The following DCC variants were observed in gnomAD, a reference collection of about 807,000 sequenced individuals.
DCC encodes netrin receptor DCC.
DCC carries 58 observed loss-of-function variants against 172.5 expected under a neutral mutation model. The observed-to-expected ratio is 0.34, with a 90% CI of 0.27 to 0.42. DCC has a LOEUF of 0.42. Ranked by LOEUF, DCC falls within the 10% of genes least tolerant of loss-of-function variation. The pLI is 1.00. For missense variants in DCC, 1,740 were observed against 1,791.0 expected, an observed-to-expected ratio of 0.97 and a Z score of 0.51; for synonymous variants, 709 against 644.5, an observed-to-expected ratio of 1.10 and a Z score of -1.52.
chr18:53,042,474 G>A (rs938856787), intron 5 of DCC, among the ~76,000 whole-genome samples: 17 of 151,944 alleles, frequency 1.1e-4, no homozygotes, highest in Admixed American at 1.1e-3. Context: ...TTCTCTTTTT[G>A]TTGTATCTCT....
At chr18:52,547,529 A>G (rs1459168336) in intron 1 of DCC, among the ~76,000 whole-genome samples, 2 of 152,150 alleles carry the variant, frequency 1.3e-5, no homozygotes, top group African/African-American at 4.8e-5. Flanking sequence ...GCATGTTCAT[A>G]GTTAATGTGA....
At chr18:53,481,059 C>G (rs951379520) in intron 25 of DCC, 3 of 152,200 alleles carry the variant, frequency 2.0e-5, no homozygotes, top group Admixed American at 1.3e-4. Flanking sequence ...CCTGGCTTTC[C>G]CCAGCATGAG....
intron 21 of DCC, among the ~76,000 whole-genome samples, chr18:53,419,290 CA>C (rs1243968604): frequency 6.6e-6 from 1 of 152,080 alleles, no homozygotes; most frequent in African/African-American, 2.4e-5. Context: ...TGTTGACTTA[CA>C]AACAATTCCA....
intron 20 of DCC, among the ~76,000 whole-genome samples, chr18:53,411,898 T>C (rs1046151741): frequency 2.6e-5 from 4 of 152,152 alleles, no homozygotes; most frequent in Non-Finnish European, 4.4e-5. Context: ...CAGCATGAAA[T>C]GTAACTAGAT....
intron 1 of DCC, among the ~76,000 whole-genome samples, chr18:52,593,022 A>G (rs949806465): frequency 2.6e-5 from 4 of 152,176 alleles, no homozygotes; most frequent in African/African-American, 9.6e-5. Flanking sequence ...TGTCATATCT[A>G]GGATTGGCCC....
chr18:52,452,769 T>C (rs930938862), intron 1 of DCC, among the ~76,000 whole-genome samples: 6 of 152,192 alleles, frequency 3.9e-5, no homozygotes, highest in Non-Finnish European at 8.8e-5. Flanking sequence ...ATTAAATAAA[T>C]GTAGGTCAGA....
At chr18:52,562,313 G>T (rs763488160) in intron 1 of DCC, among the ~76,000 whole-genome samples, 1 of 152,068 alleles carries the variant, frequency 6.6e-6, no homozygotes, top group Non-Finnish European at 1.5e-5. Flanking sequence ...CTCCTGAAAC[G>T]GTCTCTTGTT....
chr18:52,969,582 C>CCTCTCTCTCT (rs1555689589), intron 5 of DCC, among the ~76,000 whole-genome samples: 9 of 80,058 alleles, frequency 1.1e-4, no homozygotes, highest in Admixed American at 2.7e-4. Flanking sequence ...GCCCCGCCCC[C>CCTCTCTCTCT]CACTCTCTCT....
At chr18:52,800,313 T>C (rs1343472864) in intron 2 of DCC, among the ~76,000 whole-genome samples, 3 of 152,228 alleles carry the variant, frequency 2.0e-5, no homozygotes, top group African/African-American at 4.8e-5. Context: ...ACAAAGAATA[T>C]TCCAATATTG....
At chr18:53,346,611 T>C (rs538315918) in intron 15 of DCC, among the ~76,000 whole-genome samples, 174 of 152,326 alleles carry the variant, frequency 1.1e-3, no homozygotes, top group African/African-American at 3.9e-3. Flanking sequence ...AACATTGTCC[T>C]CTTTTTAATA....
chr18:52,889,452 C>T (rs956048404), intron 2 of DCC, among the ~76,000 whole-genome samples: 2 of 152,032 alleles, frequency 1.3e-5, no homozygotes, highest in African/African-American at 4.8e-5. Flanking sequence ...GCTGAGACTA[C>T]AAAACAACTG....
intron 2 of DCC, among the ~76,000 whole-genome samples, chr18:52,832,863 C>A (rs1391332078): frequency 2.0e-5 from 3 of 152,072 alleles, no homozygotes; most frequent in Non-Finnish European, 4.4e-5. Flanking sequence ...GTAAGCAAGG[C>A]TAACTGAATT....
At position 53,426,624 on chromosome 18, in the gene DCC, C is replaced by T. The variant is rs929311981; in HGVS notation, c.3164-8520C>T. 2.0e-5 allele frequency among the ~76,000 whole-genome samples: 3 copies of T among 148,728 alleles called. No individual in the cohort carries two copies. In the East Asian group the frequency reaches 5.8e-4, roughly 29 times the overall value. ...TAAGTAGATAATCATCCTGTTTTTC[C>T]ACTGGGTCACGTGTTTGTTTGTTTT... On this transcript the variant is annotated intron_variant, in intron 21 of 28. Transcript: ENST00000442544.
At chr18:52,800,406 C>T (rs1568112395) in intron 2 of DCC, among the ~76,000 whole-genome samples, 1 of 152,146 alleles carries the variant, frequency 6.6e-6, no homozygotes, top group African/African-American at 2.4e-5. Context: ...CTGGGAGATG[C>T]ACTACAAAAT....
intron 1 of DCC, among the ~76,000 whole-genome samples, chr18:52,721,376 T>C (rs964305405): frequency 2.0e-5 from 3 of 152,204 alleles, no homozygotes; most frequent in African/African-American, 7.2e-5. Context: ...AATAATGATA[T>C]TATAAACAAA....
At chr18:52,655,106 G>C (rs1430030544) in intron 1 of DCC, among the ~76,000 whole-genome samples, 1 of 152,130 alleles carries the variant, frequency 6.6e-6, no homozygotes, top group East Asian at 1.9e-4. Context: ...CCTTTAAACA[G>C]TCATTCTGCC....
At chr18:52,829,204 C>A (rs1183637842) in intron 2 of DCC, among the ~76,000 whole-genome samples, 1 of 152,182 alleles carries the variant, frequency 6.6e-6, no homozygotes, top group East Asian at 1.9e-4. Flanking sequence ...GCTAACTTTT[C>A]TTTTCCTACA....
At chr18:53,104,450 G>A (rs1598805727) in intron 7 of DCC, among the ~76,000 whole-genome samples, 1 of 152,054 alleles carries the variant, frequency 6.6e-6, no homozygotes, top group Admixed American at 6.6e-5. Context: ...CATGTAAGAT[G>A]TGACTTGCTC....
rs370141811 is a variant in DCC, at chr18:52,522,693, C to T, written c.91+181815C>T. 2.0e-3 allele frequency among the ~76,000 whole-genome samples: 298 copies of T among 152,216 alleles called. 2 individuals are homozygous for T. The highest frequency in any genetic ancestry group is 7.0e-3 in the African/African-American group (290 of 41,540). ...ACAGTCTATTTGAAAGAAAGGATTG[C>T]AGTCATGTATAAATGTCTCATAGCT... is the stretch of plus-strand genomic sequence containing the variant. On this transcript the variant is annotated intron_variant, in intron 1 of 28. Coordinates refer to ENST00000442544, the MANE Select transcript of DCC (RefSeq NM_005215.4).
Sources: gnomAD v4.1 joint callset for allele counts (sites outside exome capture counted in the v4.1 genomes callset) on GRCh38, gnomAD v4.1.1 for gene constraint, MANE v1.5 for transcripts, NCBI Gene and HGNC (gene_info 2026-07-23, HGNC 2026-07-21) for gene names.